Variants in ZBTB25 observed in about 807,000 individuals in gnomAD.
ZBTB25 encodes the protein zinc finger and BTB domain-containing protein 25.
Under a neutral mutation model 34.2 loss-of-function variants are expected in ZBTB25, and 20 were observed. The observed-to-expected ratio is 0.58, with a 90% CI of 0.41 to 0.85. The LOEUF (loss-of-function observed/expected upper bound fraction) is 0.85, where lower values mean the gene tolerates loss of function less well. Among genes scored for constraint, ZBTB25 ranks in the 40% least tolerant of loss-of-function variants. ZBTB25 has a pLI of 0.00. For missense variants in ZBTB25, 437 were observed against 521.8 expected (o/e 0.84, Z 1.58); for synonymous variants, 175 against 186.4 (o/e 0.94, Z 0.50).
rs1294275192 is a variant in ZBTB25 at position 64,487,128 on chromosome 14, A to C, written c.1103T>G (p.Met368Arg). Residue 368 changes from methionine to arginine, a missense_variant, in exon 3 of 3, where the codon ATG (methionine) becomes AGG (arginine). Transcript: ENST00000608382. Reference sequence around the variant, plus strand: ...GTAAGATTTACCTTTGTGTGTATACATGTGTTCCAACAATTGGCTCTTTCG... The same window carrying C: ...GTAAGATTTACCTTTGTGTGTATACCTGTGTTCCAACAATTGGCTCTTTCG... ...FPRKSQLLEHMYTHKGKSYRY... is the reference protein window; with the variant it reads ...FPRKSQLLEHRYTHKGKSYRY... 2.5e-6 allele frequency: 4 copies of C among 1,614,230 alleles called. No homozygotes were observed. The highest frequency in any genetic ancestry group is 2.5e-6 in the Non-Finnish European group (3 of 1,180,042).
At chr14:64,468,828 T>G (rs756517108) in intron 2 of ZBTB25, 2 of 1,614,188 alleles carry the variant, frequency 1.2e-6, no homozygotes, top group Admixed American at 3.3e-5. Flanking sequence ...TCCAAAATTA[T>G]AGAAGACTCA....
chr14:64,476,465 CG>C (rs2141009743), downstream of ZBTB25, among the ~76,000 whole-genome samples: 1 of 151,892 alleles, frequency 6.6e-6, no homozygotes, highest in South Asian at 2.1e-4. Context: ...AGATTACAGG[CG>C]CCCACCACTA....
At chr14:64,474,351 G>C (rs1018394107), downstream of ZBTB25, 17 of 167,054 alleles carry the variant, frequency 1.0e-4, no homozygotes, top group African/African-American at 4.1e-4. Context: ...GAGCTATTAT[G>C]AAAGTAAAAG....
rs1172779692 is a variant in ZBTB25, at chr14:64,487,895, A to G, written c.336T>C (p.Thr112=). ...LHADYLSHIA[T]EMNQVFSPET... ...CTGGTGAGAACACTTGATTCATTTCAGTTGCAATGTGAGAAAGGTAGTCGG... is the reference window on the plus strand; with the variant it reads ...CTGGTGAGAACACTTGATTCATTTCGGTTGCAATGTGAGAAAGGTAGTCGG... Residue 112 remains threonine, a synonymous_variant, in exon 3 of 3, where the codon ACT becomes ACC. Coordinates refer to ENST00000608382, the MANE Select transcript of ZBTB25 (RefSeq NM_006977.5). The G allele has an allele frequency of 1.2e-6, 2 of 1,614,136 alleles. No homozygotes were observed. Among genetic ancestry groups the G allele is most frequent in the Non-Finnish European group, 1.7e-6 (2 of 1,180,004 alleles).
intron 1 of ZBTB25, among the ~76,000 whole-genome samples, chr14:64,493,349 C>A (rs920833589): frequency 5.3e-5 from 8 of 152,156 alleles, no homozygotes; most frequent in Admixed American, 1.3e-4. Context: ...CTCTGGGCCT[C>A]CATTTCACTT....
At chr14:64,472,338 T>C (rs1241334734) in intron 2 of ZBTB25, 1 of 167,100 alleles carries the variant, frequency 6.0e-6, no homozygotes, top group Non-Finnish European at 1.5e-5. Context: ...TGTAAATGTT[T>C]AGTAATCTCA....
chr14:64,469,145 G>C (rs1369026273), intron 2 of ZBTB25: 1 of 1,614,140 alleles, frequency 6.2e-7, no homozygotes, highest in South Asian at 1.1e-5. Flanking sequence ...AAGCCCACTT[G>C]AAACTTCAGA....
intron 2 of ZBTB25, among the ~76,000 whole-genome samples, chr14:64,453,326 CT>C (rs1212963191): frequency 6.6e-6 from 1 of 152,178 alleles, no homozygotes; most frequent in South Asian, 2.1e-4. Context: ...AATCCCAGCA[CT>C]TTGGGAGGCC....
chr14:64,468,755 G>C, intron 2 of ZBTB25: 1 of 1,614,164 alleles, frequency 6.2e-7, no homozygotes, highest in Non-Finnish European at 8.5e-7. Flanking sequence ...TAAGAAAAAG[G>C]CAAAATCTAG....
chr14:64,485,085 T>C lies in ZBTB25; in HGVS notation c.*1838A>G. On this transcript the variant is annotated 3_prime_UTR_variant, in exon 3 of 3. Coordinates refer to ENST00000608382, the MANE Select transcript of ZBTB25 (RefSeq NM_006977.5). ...GCAGAAACTCAACTGCCTTACACAA[T>C]ATCCAGTAGCTTTCTTCATTCAATC... 1.0e-6 allele frequency: 1 copy of C among 985,446 alleles called. No individual in the cohort carries two copies. The highest frequency in any genetic ancestry group is 1.2e-6 in the Non-Finnish European group (1 of 829,934). 61.0% of individuals were successfully genotyped at this position (985,446 alleles called of 1,614,324 possible).
Position 64,487,692 on chromosome 14 carries a change from G to A in ZBTB25, c.539C>T (p.Thr180Ile), listed in dbSNP as rs151164177. ...AGGACAGGCCCTCTGCTGGTCTGCA[G>A]TGCCATCATCCAGACCAATAGCAAG... ...LSLAIGLDDG[T>I]ADQQRACPAT... The change falls in exon 3 of 3, where the codon ACT (threonine) becomes ATT (isoleucine). Residue 180 changes from threonine to isoleucine, a missense_variant. Physicochemically the swap from Thr to Ile is moderately conservative, Grantham distance 89 (BLOSUM62 -1). Coordinates refer to ENST00000608382, the MANE Select transcript of ZBTB25 (RefSeq NM_006977.5). The A allele has an allele frequency of 1.0e-3, 1,657 of 1,611,588 alleles. 3 individuals carry two copies. The highest frequency in any genetic ancestry group is 1.3e-3 in the Non-Finnish European group (1,478 of 1,178,846).
At chr14:64,492,159 A>G (rs2079104669) in intron 1 of ZBTB25, among the ~76,000 whole-genome samples, 1 of 147,388 alleles carries the variant, frequency 6.8e-6, no homozygotes, top group Admixed American at 6.8e-5. Flanking sequence ...TATTAAAACT[A>G]CATATTTAAT....
Position 64,453,855 on chromosome 14 carries a change from G to A in ZBTB25, c.174-4217C>T, listed in dbSNP as rs776644712. The A allele has an allele frequency of 5.0e-6, 8 of 1,593,012 alleles. No individual in the cohort carries two copies. The highest frequency in any genetic ancestry group is 2.2e-5 in the East Asian group (1 of 44,756). Reference sequence around the variant, plus strand: ...CTCAACACAAAGCTGAAGTCTACACGAAGCAGGTAGATGTTTGGTTAGTTT... The same window carrying A: ...CTCAACACAAAGCTGAAGTCTACACAAAGCAGGTAGATGTTTGGTTAGTTT... On this transcript the variant is annotated intron_variant, in intron 2 of 2. Coordinates refer to the ZBTB25 transcript ENST00000555220.
rs1245604815 is a variant in ZBTB25, at chr14:64,480,689, TGGA to T, written c.*6231_*6233del. 2.0e-5 allele frequency: 3 copies of T among 153,404 alleles called. No homozygotes were observed. The highest frequency in any genetic ancestry group is 7.2e-5 in the African/African-American group (3 of 41,476). 9.5% of individuals were successfully genotyped at this position (153,404 alleles called of 1,614,324 possible). The stretch of plus-strand genomic sequence containing the variant: ...ATTGTTTCTTGCTCTGTCGCCAGGC[TGGA>T]GTGCAGTGGCGCAATCTCGGCTCAC... On this transcript the variant is annotated 3_prime_UTR_variant, in exon 3 of 3. Transcript: ENST00000608382.
chr14:64,492,152 T>C (rs2079104581), intron 1 of ZBTB25, among the ~76,000 whole-genome samples: 1 of 142,638 alleles, frequency 7.0e-6, no homozygotes, highest in Non-Finnish European at 1.5e-5. Context: ...CAGACTCTAT[T>C]AAAACTACAT....
rs966983030 is a variant in ZBTB25 at position 64,479,812 on chromosome 14, CAGCCTCT to C, written c.*7104_*7110del. ...TCAGATTGGAACATCACTGACTCCCCAGCCTCTCAGCCTCCCAACTGCAGATCTTGGG... is the reference window on the plus strand; with the variant it reads ...TCAGATTGGAACATCACTGACTCCCCCAGCCTCCCAACTGCAGATCTTGGG... On this transcript the variant is annotated 3_prime_UTR_variant, in exon 3 of 3. Coordinates refer to ENST00000608382, the MANE Select transcript of ZBTB25 (RefSeq NM_006977.5). 1.8e-4 allele frequency: 28 copies of C among 152,868 alleles called. No homozygotes were observed. The highest frequency in any genetic ancestry group is 6.0e-4 in the African/African-American group (25 of 41,456). The allele number at this position is 152,868 out of a possible 1,614,324, so 9.5% of individuals were successfully genotyped here. A position where few individuals can be genotyped will look rare whatever the true frequency, so the allele number is the denominator to read the frequency against.
chr14:64,454,508 C>G (rs2078431604), intron 2 of ZBTB25, among the ~76,000 whole-genome samples: 1 of 150,762 alleles, frequency 6.6e-6, no homozygotes, highest in South Asian at 2.1e-4. Context: ...CACTTGTGGA[C>G]TACAGTTGTG....
intron 2 of ZBTB25, chr14:64,453,654 GC>G: frequency 2.7e-6 from 2 of 734,322 alleles, no homozygotes; most frequent in South Asian, 1.5e-5. Flanking sequence ...ACCATCTTCT[GC>G]CCCTTTTAGG....
chr14:64,504,546 G>A (rs1566626754), upstream of ZBTB25: 2 of 183,734 alleles, frequency 1.1e-5, no homozygotes, highest in Admixed American at 6.2e-5. Flanking sequence ...CCCGCGGTGC[G>A]GGTTGCGCCA....
Sources: gnomAD v4.1 joint callset for allele counts (sites outside exome capture counted in the v4.1 genomes callset) on GRCh38, gnomAD v4.1.1 for gene constraint, MANE v1.5 for transcripts, NCBI Gene and HGNC (gene_info 2026-07-23, HGNC 2026-07-21) for gene names.